SLC44A5: variants seen among roughly 807,000 people sequenced by gnomAD.
SLC44A5 encodes the protein solute carrier family 44 member 5, also known as choline transporter-like protein 5.
A neutral mutation model predicts 101.8 loss-of-function variants in SLC44A5; 57 were observed. The observed-to-expected ratio is 0.56, with a 90% confidence interval of 0.45 to 0.70. The LOEUF (loss-of-function observed/expected upper bound fraction) is 0.70, where lower values mean the gene tolerates loss of function less well. Ranked by LOEUF, SLC44A5 falls within the 30% of genes least tolerant of loss-of-function variation. The probability of loss-of-function intolerance (pLI) is 0.00; values close to 1 mark genes in which losing one functional copy is unlikely to be tolerated. For missense variants in SLC44A5, 737 were observed against 853.1 expected (o/e 0.86, Z 1.70); for synonymous variants, 281 against 290.9 (o/e 0.97, Z 0.35).
intron 1 of SLC44A5, among the ~76,000 whole-genome samples, chr1:75,566,795 T>C (rs568768889): frequency 6.6e-6 from 1 of 152,336 alleles, no homozygotes; most frequent in South Asian, 2.1e-4. Context: ...AATAACACCT[T>C]ATGTTTATTT....
At chr1:75,251,070 T>C (rs1428802847) in intron 7 of SLC44A5, 140 bp downstream of exon 7, 1 of 681,044 alleles carries the variant, frequency 1.5e-6, no homozygotes, top group East Asian at 2.7e-5. Flanking sequence ...CTCATACTTA[T>C]ATCTTCCCAT....
chr1:75,293,735 T>C (rs758029502), intron 5 of SLC44A5, among the ~76,000 whole-genome samples: 7 of 152,026 alleles, frequency 4.6e-5, no homozygotes, highest in Admixed American at 4.6e-4. Context: ...CAATGGTGAG[T>C]TTAGGGTCAT....
the SLC44A5 span, among the ~76,000 whole-genome samples, chr1:75,618,490 GAC>G: frequency 6.6e-6 from 1 of 152,188 alleles, no homozygotes; most frequent in Non-Finnish European, 1.5e-5. Flanking sequence ...GGAACAGTAA[GAC>G]AGAATACATG....
At chr1:75,273,555 A>T (rs74585343) in intron 6 of SLC44A5, among the ~76,000 whole-genome samples, 3,817 of 152,128 alleles carry the variant, frequency 0.025, 153 homozygotes, top group African/African-American at 0.088. Context: ...AGTCCCTTCT[A>T]TTCCTTTTTG....
intron 4 of SLC44A5, among the ~76,000 whole-genome samples, chr1:75,314,810 T>C (rs1012343166): frequency 6.6e-6 from 1 of 152,150 alleles, no homozygotes; most frequent in African/African-American, 2.4e-5. Flanking sequence ...ATTAATATGA[T>C]TGCTTTGTTT....
chr1:75,684,278 A>T, the SLC44A5 span, among the ~76,000 whole-genome samples: 2 of 152,200 alleles, frequency 1.3e-5, no homozygotes, highest in Non-Finnish European at 1.5e-5. Flanking sequence ...GGGTAGGGAC[A>T]TGGAGCCAAA....
upstream of SLC44A5, chr1:75,615,909 G>A (rs1675858748): frequency 2.0e-6 from 2 of 984,006 alleles, no homozygotes; most frequent in Non-Finnish European, 2.4e-6. Context: ...TCCCTCCCCC[G>A]GACCCCCCAC....
At chr1:75,358,150 A>G (rs1355059420) in intron 3 of SLC44A5, among the ~76,000 whole-genome samples, 1 of 152,200 alleles carries the variant, frequency 6.6e-6, no homozygotes, top group Non-Finnish European at 1.5e-5. Flanking sequence ...ATAAAAATAT[A>G]AAGAGAAGAA....
At chr1:75,373,904 C>G (rs1300477707) in intron 3 of SLC44A5, among the ~76,000 whole-genome samples, 3 of 152,192 alleles carry the variant, frequency 2.0e-5, no homozygotes, top group South Asian at 4.1e-4. Context: ...AAGCTGAGAT[C>G]TGTGGCCTGA....
intron 2 of SLC44A5, among the ~76,000 whole-genome samples, chr1:75,412,634 T>C (rs542742274): frequency 1.3e-5 from 2 of 152,332 alleles, no homozygotes; most frequent in South Asian, 2.1e-4. Context: ...AGTTTTGCTT[T>C]CTGTAATTTC....
the SLC44A5 span, among the ~76,000 whole-genome samples, chr1:75,722,248 G>A: frequency 3.9e-5 from 6 of 152,228 alleles, no homozygotes; most frequent in African/African-American, 1.4e-4. Context: ...GGAGTCCTCA[G>A]TGTAAAAAGT....
intron 2 of SLC44A5, among the ~76,000 whole-genome samples, chr1:75,540,104 T>A (rs149848370): frequency 3.3e-5 from 5 of 152,316 alleles, no homozygotes; most frequent in African/African-American, 1.2e-4. Flanking sequence ...TAATTCTATA[T>A]TAAATTCACC....
the SLC44A5 span, among the ~76,000 whole-genome samples, chr1:75,706,825 C>T: frequency 6.6e-6 from 1 of 151,910 alleles, no homozygotes; most frequent in Admixed American, 6.6e-5. Context: ...TCTTTTGCTT[C>T]CAAACTGCTA....
intron 3 of SLC44A5, among the ~76,000 whole-genome samples, chr1:75,391,274 C>T (rs1019866547): frequency 1.3e-5 from 2 of 152,154 alleles, no homozygotes; most frequent in African/African-American, 4.8e-5. Context: ...AATGGCCATA[C>T]TGCCCAAAGC....
At chr1:75,611,612 G>A (rs1424642332), upstream of SLC44A5, among the ~76,000 whole-genome samples, 1 of 152,156 alleles carries the variant, frequency 6.6e-6, no homozygotes, top group East Asian at 1.9e-4. Context: ...CAGTGATTAA[G>A]TAAAATCAAA....
At chr1:75,537,811 C>A (rs1671138508) in intron 2 of SLC44A5, among the ~76,000 whole-genome samples, 1 of 151,776 alleles carries the variant, frequency 6.6e-6, no homozygotes, top group Non-Finnish European at 1.5e-5. Context: ...TCTTTTTTTT[C>A]ATTTATTAAA....
intron 1 of SLC44A5, among the ~76,000 whole-genome samples, chr1:75,545,693 T>C (rs1267043775): frequency 6.6e-6 from 1 of 152,206 alleles, no homozygotes; most frequent in Non-Finnish European, 1.5e-5. Context: ...AATATCCTGT[T>C]CCTCTTCAAA....
intron 2 of SLC44A5, among the ~76,000 whole-genome samples, chr1:75,407,466 C>T (rs532672808): frequency 6.6e-6 from 1 of 152,256 alleles, no homozygotes; most frequent in African/African-American, 2.4e-5. Flanking sequence ...AACTATACTA[C>T]AAGGCTACAG....
chr1:75,681,635 A>G, the SLC44A5 span, among the ~76,000 whole-genome samples: 4 of 150,116 alleles, frequency 2.7e-5, no homozygotes, highest in Non-Finnish European at 4.5e-5. Flanking sequence ...TCTATGACAA[A>G]CCCACGGCCA....
Sources: allele counts gnomAD v4.1 joint callset (sites outside exome capture counted in the v4.1 genomes callset), GRCh38; gene constraint gnomAD v4.1.1; transcripts MANE v1.5; gene names NCBI Gene and HGNC (gene_info 2026-07-23, HGNC 2026-07-21).